The following CTNNA3 variants were observed in gnomAD, a reference collection of about 807,000 sequenced individuals.
CTNNA3 encodes the protein catenin alpha-3.
CTNNA3 carries 76 observed loss-of-function variants against 95.7 expected under a neutral mutation model. That is an observed-to-expected ratio of 0.79 (90% CI 0.66 to 0.96). The LOEUF is 0.96. Ranked by LOEUF, CTNNA3 falls within the 40% of genes least tolerant of loss-of-function variation. The probability of loss-of-function intolerance (pLI) is 0.00; values close to 1 mark genes in which losing one functional copy is unlikely to be tolerated. For missense variants in CTNNA3, 1,191 were observed against 1,089.8 expected, an observed-to-expected ratio of 1.09 and a Z score of -1.31; for synonymous variants, 431 against 374.4, an observed-to-expected ratio of 1.15 and a Z score of -1.74.
intron 5 of CTNNA3, among the ~76,000 whole-genome samples, chr10:67,298,956 C>A (rs1840155614): frequency 6.6e-6 from 1 of 151,664 alleles, no homozygotes; most frequent in East Asian, 1.9e-4. Context: ...AAGTCTTGCT[C>A]TGTTGCCAGG....
In CTNNA3 at chr10:66,941,927, C is replaced by A. The variant is rs1460015637; in HGVS notation, c.1048-166403G>T. 7.9e-5 allele frequency among the ~76,000 whole-genome samples: 12 copies of A among 152,268 alleles called. No homozygotes were observed. The East Asian group carries it at 2.3e-3, about 29-fold the overall frequency. ...AGTTTTAAAGGTTTTCAAATTAAGT[C>A]TGTTCGTGGAAGACTTACTTTGATT... On this transcript the variant is annotated intron_variant, in intron 7 of 17. Coordinates refer to ENST00000433211, the MANE Select transcript of CTNNA3 (RefSeq NM_013266.4).
intron 15 of CTNNA3, among the ~76,000 whole-genome samples, chr10:66,054,348 T>C (rs1203214920): frequency 2.6e-5 from 4 of 152,190 alleles, no homozygotes; most frequent in Non-Finnish European, 5.9e-5. Flanking sequence ...ACGCCAATAG[T>C]GTACAAGAGT....
intron 5 of CTNNA3, among the ~76,000 whole-genome samples, chr10:67,356,495 C>T (rs2050555736): frequency 6.6e-6 from 1 of 152,018 alleles, no homozygotes; most frequent in Non-Finnish European, 1.5e-5. Flanking sequence ...CTGAATCTCC[C>T]AGTACCCTCA....
intron 7 of CTNNA3, among the ~76,000 whole-genome samples, chr10:67,128,977 A>T (rs1456482946): frequency 6.6e-6 from 1 of 152,304 alleles, no homozygotes; most frequent in East Asian, 1.9e-4. Flanking sequence ...AAAAATGTAC[A>T]TTAATTTAAA....
intron 4 of CTNNA3, among the ~76,000 whole-genome samples, chr10:67,522,183 C>A (rs1840008011): frequency 6.6e-6 from 1 of 151,892 alleles, no homozygotes; most frequent in Non-Finnish European, 1.5e-5. Flanking sequence ...GCATGAGAAG[C>A]CTGTTCAGTC....
intron 10 of CTNNA3, among the ~76,000 whole-genome samples, chr10:66,525,010 T>C (rs1430390304): frequency 6.6e-6 from 1 of 151,754 alleles, no homozygotes; most frequent in African/African-American, 2.4e-5. Context: ...GATCGCACCA[T>C]TGTACTCCAG....
intron 7 of CTNNA3, among the ~76,000 whole-genome samples, chr10:66,917,852 C>T (rs1259807896): frequency 2.0e-5 from 3 of 152,148 alleles, no homozygotes; most frequent in Non-Finnish European, 4.4e-5. Context: ...TTAAAGAACA[C>T]TGACTGACTT....
chr10:66,194,234 A>G (rs2086831245), intron 13 of CTNNA3, among the ~76,000 whole-genome samples: 1 of 152,198 alleles, frequency 6.6e-6, no homozygotes, highest in African/African-American at 2.4e-5. Context: ...CAGTAAAATA[A>G]TTATGCCTAC....
At chr10:66,387,738 A>C (rs987946007) in intron 11 of CTNNA3, among the ~76,000 whole-genome samples, 2 of 152,192 alleles carry the variant, frequency 1.3e-5, no homozygotes, top group African/African-American at 4.8e-5. Flanking sequence ...AATGTGGCAC[A>C]TATACACCAT....
In CTNNA3 at chr10:66,201,004, A is replaced by G. The variant is rs185662476; in HGVS notation, c.1884+79466T>C. ...CGACCCATGTGACACCCTGAAACTC[A>G]GTTTCTTTAGCTTGCTTACTACACT... On this transcript the variant is annotated intron_variant, in intron 13 of 17. Transcript: ENST00000433211. Among the ~76,000 whole-genome samples the G allele has an allele frequency of 2.6e-5, 4 of 152,270 alleles. No individual in the cohort carries two copies. The East Asian group carries it at 7.7e-4, about 29-fold the overall frequency.
intron 5 of CTNNA3, among the ~76,000 whole-genome samples, chr10:67,394,351 T>C (rs944069357): frequency 6.7e-6 from 1 of 148,922 alleles, no homozygotes; most frequent in African/African-American, 2.5e-5. Flanking sequence ...AAGTGGGCAA[T>C]GCTGTAAAAC....
chr10:65,971,957 C>G (rs1010370996), intron 16 of CTNNA3, among the ~76,000 whole-genome samples: 3 of 152,060 alleles, frequency 2.0e-5, no homozygotes, highest in Admixed American at 1.3e-4. Context: ...AAAGTTAATT[C>G]ACTATGATCA....
chr10:67,088,492 G>A (rs1249159858), intron 7 of CTNNA3, among the ~76,000 whole-genome samples: 4 of 151,784 alleles, frequency 2.6e-5, no homozygotes, highest in Middle Eastern at 3.4e-3. Flanking sequence ...AAAGATAAAC[G>A]GTGCCTGCAT....
intron 3 of CTNNA3, among the ~76,000 whole-genome samples, chr10:67,596,238 T>G (rs1260637876): frequency 6.6e-6 from 1 of 152,204 alleles, no homozygotes; most frequent in African/African-American, 2.4e-5. Context: ...ATCTATGTAC[T>G]TAAGTGTTTT....
intron 1 of CTNNA3, among the ~76,000 whole-genome samples, chr10:67,668,744 T>A (rs1305086990): frequency 1.3e-5 from 2 of 152,212 alleles, no homozygotes; most frequent in South Asian, 4.1e-4. Context: ...ATTTCTGGAA[T>A]TTCCATTTCA....
intron 7 of CTNNA3, among the ~76,000 whole-genome samples, chr10:66,851,608 C>A (rs1479124823): frequency 5.9e-5 from 3 of 50,652 alleles, no homozygotes; most frequent in African/African-American, 3.7e-4. Context: ...GTGGCATCCC[C>A]ACCCACCTCT....
intron 16 of CTNNA3, among the ~76,000 whole-genome samples, chr10:65,972,010 C>T (rs2078114774): frequency 1.3e-5 from 2 of 151,960 alleles, no homozygotes; most frequent in Non-Finnish European, 2.9e-5. Context: ...TTAATATAGA[C>T]AAATCAATAA....
intron 13 of CTNNA3, among the ~76,000 whole-genome samples, chr10:66,126,687 T>C (rs2082842638): frequency 6.6e-6 from 1 of 151,778 alleles, no homozygotes; most frequent in Non-Finnish European, 1.5e-5. Context: ...ACTGAAAGAG[T>C]TGTCAATAGC....
At chr10:66,188,710 A>G (rs2086480004) in intron 13 of CTNNA3, among the ~76,000 whole-genome samples, 1 of 151,846 alleles carries the variant, frequency 6.6e-6, no homozygotes, top group African/African-American at 2.4e-5. Context: ...TAATGCTGCA[A>G]TAAGCAGGAG....
Sources: allele counts gnomAD v4.1 joint callset (sites outside exome capture counted in the v4.1 genomes callset), GRCh38; gene constraint gnomAD v4.1.1; transcripts MANE v1.5; gene names NCBI Gene and HGNC (gene_info 2026-07-23, HGNC 2026-07-21).